The following PRKN variants were observed in gnomAD, a reference collection of about 807,000 sequenced individuals.
PRKN encodes E3 ubiquitin-protein ligase parkin.
Under a neutral mutation model 59.5 loss-of-function variants are expected in PRKN, and 56 were observed. The ratio of observed to expected loss-of-function variants is 0.94; its 90% CI spans 0.76 to 1.18. The LOEUF is 1.18. Ranked by LOEUF, PRKN falls within the 50% of genes most tolerant of loss-of-function variation. The probability of loss-of-function intolerance (pLI) is 0.00; values close to 1 mark genes in which losing one functional copy is unlikely to be tolerated. For synonymous variants in PRKN, 250 were observed against 222.1 expected (o/e 1.13, Z -1.12); for missense variants, 657 against 596.4 (o/e 1.10, Z -1.06).
intron 1 of PRKN, among the ~76,000 whole-genome samples, chr6:162,638,140 T>C (rs2849555): frequency 0.63 from 96,264 of 151,956 alleles, 31,719 homozygotes; most frequent in African/African-American, 0.82. Context: ...ATGTAATTCC[T>C]CTATGTAAGG....
chr6:162,228,581 C>A (rs1185144648), intron 3 of PRKN, among the ~76,000 whole-genome samples: 1 of 152,140 alleles, frequency 6.6e-6, no homozygotes. Context: ...ACTCATCTCA[C>A]TTTGCTGAAA....
intron 7 of PRKN, among the ~76,000 whole-genome samples, chr6:161,583,699 G>A (rs994465): frequency 0.67 from 101,695 of 152,010 alleles, 34,622 homozygotes; most frequent in African/African-American, 0.79. Context: ...AGGATATTAA[G>A]GATGTTGCAT....
At chr6:162,440,924 T>C (rs1326983046) in intron 2 of PRKN, among the ~76,000 whole-genome samples, 1 of 151,968 alleles carries the variant, frequency 6.6e-6, no homozygotes, top group Non-Finnish European at 1.5e-5. Context: ...CTGCCAGTTG[T>C]ACACTTAAAG....
chr6:162,356,575 T>C (rs967074126), intron 2 of PRKN, among the ~76,000 whole-genome samples: 1 of 151,686 alleles, frequency 6.6e-6, no homozygotes, highest in African/African-American at 2.4e-5. Flanking sequence ...AAATTAAATA[T>C]TAAAATCACA....
At chr6:161,734,359 C>T (rs1787879292) in intron 7 of PRKN, among the ~76,000 whole-genome samples, 1 of 152,194 alleles carries the variant, frequency 6.6e-6, no homozygotes, top group Non-Finnish European at 1.5e-5. Context: ...GTAATATCTC[C>T]ATCCCAAAAT....
chr6:162,312,303 CCTTT>C (rs1782550773), intron 2 of PRKN, among the ~76,000 whole-genome samples: 1 of 152,054 alleles, frequency 6.6e-6, no homozygotes, highest in African/African-American at 2.4e-5. Flanking sequence ...GCCTTTGTTT[CCTTT>C]CTGATTTTTA....
chr6:161,431,138 C>CAA (rs142701766), intron 9 of PRKN, among the ~76,000 whole-genome samples: 97,102 of 137,420 alleles, frequency 0.71, 33,825 homozygotes, highest in East Asian at 0.87. Flanking sequence ...GACTCTGTCT[C>CAA]AAAAAAAAAA....
chr6:162,564,487 C>T, intron 1 of PRKN, among the ~76,000 whole-genome samples: 1 of 152,026 alleles, frequency 6.6e-6, no homozygotes, highest in East Asian at 1.9e-4. Flanking sequence ...TATCAATATA[C>T]AACTACAACA....
chr6:162,232,946 T>C (rs1778485076), intron 3 of PRKN, among the ~76,000 whole-genome samples: 1 of 152,070 alleles, frequency 6.6e-6, no homozygotes, highest in South Asian at 2.1e-4. Flanking sequence ...AAAAAAGTCA[T>C]GGTAAATAAT....
At chr6:162,064,805 A>T (rs1582978833) in intron 4 of PRKN, among the ~76,000 whole-genome samples, 1 of 152,274 alleles carries the variant, frequency 6.6e-6, no homozygotes, top group African/African-American at 2.4e-5. Context: ...AACCAAATAC[A>T]TAAAACAAAT....
In PRKN at chr6:162,668,122, C is replaced by T. The variant is rs543012432; in HGVS notation, c.7+59540G>A. Among the ~76,000 whole-genome samples, 35 of 152,216 alleles carry T rather than the reference C, an allele frequency of 2.3e-4. 1 individual carries two copies. In the South Asian group the frequency reaches 4.6e-3, roughly 20 times the overall value. ...TTTGAACCATTAGAGTAATAATTTT[C>T]CCCTGGTGTCAAGGTTAAAGTAAGG... On this transcript the variant is annotated intron_variant, in intron 1 of 11. Transcript: ENST00000366898.
chr6:161,730,707 G>T (rs1442916282), intron 7 of PRKN, among the ~76,000 whole-genome samples: 1 of 151,918 alleles, frequency 6.6e-6, no homozygotes, highest in Admixed American at 6.6e-5. Context: ...TATTCTTTCT[G>T]GTGTGTTGCA....
chr6:162,599,577 G>A (rs1219926221), intron 1 of PRKN, among the ~76,000 whole-genome samples: 1 of 152,156 alleles, frequency 6.6e-6, no homozygotes, highest in Admixed American at 6.6e-5. Context: ...AAAGCATGCT[G>A]GAGAAAGATC....
chr6:161,946,414 A>ACACACACACACACACTCTCTCT (rs1247187053), intron 6 of PRKN, among the ~76,000 whole-genome samples: 17 of 114,446 alleles, frequency 1.5e-4, no homozygotes, highest in South Asian at 1.1e-3. Context: ...ACACACACAC[A>ACACACACACACACACTCTCTCT]CTCTCTCTCT....
At chr6:162,062,903 A>G (rs1778157569) in intron 4 of PRKN, among the ~76,000 whole-genome samples, 1 of 152,212 alleles carries the variant, frequency 6.6e-6, no homozygotes, top group Admixed American at 6.5e-5. Flanking sequence ...ATTATTCTCA[A>G]TAAAGTGGGT....
At position 161,782,714 on chromosome 6, in the gene PRKN, C is replaced by T. The variant is rs183268739; in HGVS notation, c.871+3058G>A. Among the ~76,000 whole-genome samples the T allele has an allele frequency of 6.5e-3, 982 of 151,700 alleles. 9 individuals are homozygous for T. Among genetic ancestry groups the T allele is most frequent in the Non-Finnish European group, 5.3e-3 (358 of 67,908 alleles). Reference sequence around the variant, plus strand: ...TTAGAGACCAGCCTGGTTAACATGGCGAAACCCCATCTCTACTAAAAATAC... The same window carrying T: ...TTAGAGACCAGCCTGGTTAACATGGTGAAACCCCATCTCTACTAAAAATAC... On this transcript the variant is annotated intron_variant, in intron 7 of 11. Transcript: ENST00000366898.
intron 2 of PRKN, among the ~76,000 whole-genome samples, chr6:162,322,580 T>G (rs1274641428): frequency 6.6e-6 from 1 of 152,088 alleles, no homozygotes; most frequent in Non-Finnish European, 1.5e-5. Flanking sequence ...GGAATTGACA[T>G]CAAGATAAAT....
rs994973534 is a variant in PRKN at position 161,429,021 on chromosome 6, T to C, written c.1084-42144A>G. 1.3e-5 allele frequency among the ~76,000 whole-genome samples: 2 copies of C among 152,222 alleles called. No homozygotes were observed. The highest frequency in any genetic ancestry group is 4.8e-5 in the African/African-American group (2 of 41,452). On this transcript the variant is annotated intron_variant, in intron 9 of 11. Coordinates refer to ENST00000366898, the MANE Select transcript of PRKN (RefSeq NM_004562.3). This position sits in a 1 kb window ranked among gnomAD's most constrained non-coding sequence, Gnocchi z 4.2. ...TCAAGAAGGGGGAAAGTTTTGCTCA[T>C]GTCCAAGAGATAACGTAAGATGTTC...
intron 9 of PRKN, among the ~76,000 whole-genome samples, chr6:161,411,884 C>T (rs1014363212): frequency 4.7e-5 from 7 of 147,950 alleles, no homozygotes; most frequent in Admixed American, 6.7e-5. Flanking sequence ...TCATTCATTC[C>T]TTCCTCATTC....
Sources: gnomAD v4.1 joint callset for allele counts (sites outside exome capture counted in the v4.1 genomes callset) on GRCh38, gnomAD v4.1.1 for gene constraint, Gnocchi (gnomAD v3.1) non-coding constraint, MANE v1.5 for transcripts, NCBI Gene and HGNC (gene_info 2026-07-23, HGNC 2026-07-21) for gene names.